The following CENPE variants were observed in gnomAD, a reference collection of about 807,000 sequenced individuals.
CENPE encodes centromere-associated protein E.
CENPE carries 145 observed loss-of-function variants against 336.1 expected under a neutral mutation model. The ratio of observed to expected loss-of-function variants is 0.43; its 90% CI spans 0.38 to 0.50. The LOEUF (loss-of-function observed/expected upper bound fraction) is 0.50. Among genes scored for constraint, CENPE ranks in the 20% least tolerant of loss-of-function variants. CENPE has a pLI of 0.00. For missense variants in CENPE, 2,719 were observed against 3,023.3 expected (o/e 0.90, Z 2.36); for synonymous variants, 1,013 against 984.8 (o/e 1.03, Z -0.54).
At chr4:103,175,019 G>T in intron 15 of CENPE, 116 bp from the exon 16 acceptor site, 1 of 624,532 alleles carries the variant, frequency 1.6e-6, no homozygotes, top group Non-Finnish European at 2.5e-6. Flanking sequence ...TCTTTCTAAA[G>T]TTCTACATTT....
At chr4:103,192,733 TCGTTTTAGA>T (rs1351494846) in intron 8 of CENPE, among the ~76,000 whole-genome samples, 1 of 152,148 alleles carries the variant, frequency 6.6e-6, no homozygotes, top group Admixed American at 6.5e-5. Context: ...GAAAATAGTT[TCGTTTTAGA>T]CATATTAAAG....
Position 103,136,336 on chromosome 4 carries a change from C to G in CENPE, c.6327G>C (p.Glu2109Asp). ...RIKELLKRYSEMDDHYECLNR... is the reference protein window; with the variant it reads ...RIKELLKRYSDMDDHYECLNR... ...TCAAGCACTCATAATGATCATCCAT[C>G]TCTGAGTATCTCTTCAAAAGCTCCT... The change falls in exon 40 of 49, where the codon GAG becomes GAC. Residue 2109 changes from glutamate to aspartate, a missense_variant. Transcript: ENST00000265148. 6.2e-7 allele frequency: 1 copy of G among 1,609,958 alleles called. No homozygotes were observed. Among genetic ancestry groups the G allele is most frequent in the Non-Finnish European group, 8.5e-7 (1 of 1,178,614 alleles).
chr4:103,141,196 G>C (rs1056054862), intron 35 of CENPE, 92 bp from the exon 36 acceptor site: 20 of 743,040 alleles, frequency 2.7e-5, no homozygotes, highest in Non-Finnish European at 4.1e-5. Flanking sequence ...GTCTACCCAT[G>C]TTACTCTCAC....
intron 14 of CENPE, among the ~76,000 whole-genome samples, chr4:103,176,594 A>G (rs946818665): frequency 1.3e-5 from 2 of 151,876 alleles, no homozygotes; most frequent in East Asian, 3.9e-4. Flanking sequence ...ACAGAGTTTC[A>G]CTCTTGTCAC....
intron 15 of CENPE, 51 bp downstream of exon 15, chr4:103,175,908 AG>A: frequency 1.7e-6 from 2 of 1,162,508 alleles, no homozygotes; most frequent in Non-Finnish European, 2.5e-6. Flanking sequence ...TAATAACAAA[AG>A]AATTTTAAAA....
At chr4:103,144,093 C>G (rs374779837) in intron 33 of CENPE, among the ~76,000 whole-genome samples, 12 of 152,054 alleles carry the variant, frequency 7.9e-5, no homozygotes, top group African/African-American at 2.7e-4. Context: ...CCCACCACCA[C>G]GCCTGCCTAA....
chr4:103,183,159 A>G, intron 10 of CENPE, 42 bp downstream of exon 10: 1 of 1,426,038 alleles, frequency 7.0e-7, no homozygotes, highest in Non-Finnish European at 9.8e-7. Flanking sequence ...CTAATGAAAA[A>G]TATAAGAATC....
chr4:103,114,663 G>GTT (rs1341067226), intron 45 of CENPE, 111 bp from the exon 46 acceptor site: 1 of 667,062 alleles, frequency 1.5e-6, no homozygotes, highest in African/African-American at 1.8e-5. Flanking sequence ...CATAATGCCT[G>GTT]TAAGTGGCAG....
intron 8 of CENPE, among the ~76,000 whole-genome samples, chr4:103,186,214 C>T (rs1756754879): frequency 6.6e-6 from 1 of 152,222 alleles, no homozygotes; most frequent in Non-Finnish European, 1.5e-5. Context: ...ATTCCCCAAA[C>T]ACCCCATGTA....
rs1310022576 is a variant in CENPE, at chr4:103,195,964, C to T, written c.313G>A (p.Val105Ile). 2 of 1,613,760 alleles carry T rather than the reference C, an allele frequency of 1.2e-6. No homozygotes were observed. The highest frequency in any genetic ancestry group is 2.2e-5 in the South Asian group (2 of 91,074). Reference sequence around the variant, plus strand: ...ATGTCATGAATTGCCCTGGGTATAACTCCCAAATGATCTTCTGAACCCATC... The same window carrying T: ...ATGTCATGAATTGCCCTGGGTATAATTCCCAAATGATCTTCTGAACCCATC... ...TMMGSEDHLG[V>I]IPRAIHDIFQ... The change falls in exon 4 of 49, where the codon GTT (valine) becomes ATT (isoleucine). Residue 105 changes from valine (V) to isoleucine (I), a missense_variant. Physicochemically the swap from Val to Ile is conservative, Grantham distance 29 (BLOSUM62 3). This residue lies in a region of CENPE where 106 missense variants were observed against 189.3 expected (regional missense o/e 0.56). Coordinates refer to ENST00000265148, the MANE Select transcript of CENPE (RefSeq NM_001813.3).
intron 42 of CENPE, 104 bp from the exon 43 acceptor site, chr4:103,123,193 T>C (rs1016252836): frequency 6.1e-6 from 5 of 817,248 alleles, no homozygotes; most frequent in Non-Finnish European, 1.0e-5. Context: ...CAGTCAAAAG[T>C]GGTCTGAAAA....
Position 103,112,934 on chromosome 4 carries a change from T to G in CENPE, c.7540+1521A>C, listed in dbSNP as rs1356721657. Among the ~76,000 whole-genome samples the G allele has an allele frequency of 6.6e-5, 2 of 30,488 alleles. 1 individual carries two copies. Among genetic ancestry groups the G allele is most frequent in the Admixed American group, 8.2e-4 (2 of 2,440 alleles). 20.0% of individuals were successfully genotyped at this position (30,488 alleles called of 152,430 possible). A position where few individuals can be genotyped will look rare whatever the true frequency, so the allele number is the denominator to read the frequency against. On this transcript the variant is annotated intron_variant, in intron 46 of 48. Transcript: ENST00000265148. ...TAAGTATATAAGTGTACATATATAC[T>G]TATAAGTATATAAGTGTATATATAT...
chr4:103,174,757 T>C lies in CENPE; in HGVS notation c.1626A>G (p.Arg542=), dbSNP rs1401153317. ...NDLDEFEALE[R]KTKKDQEMQL... is the part of the protein sequence containing the mutation. The stretch of plus-strand genomic sequence containing the variant: ...TTACCTCTTGATCTTTTTTAGTTTT[T>C]CTTTCTAGAGCCTCAAATTCATCCA... The change falls in exon 16 of 49, where the codon AGA becomes AGG. Residue 542 remains arginine, a synonymous_variant. Coordinates refer to ENST00000265148, the MANE Select transcript of CENPE (RefSeq NM_001813.3). 6.5e-7 allele frequency: 1 copy of C among 1,530,504 alleles called. No individual in the cohort carries two copies. The highest frequency in any genetic ancestry group is 1.4e-5 in the African/African-American group (1 of 70,150). 94.8% of individuals were successfully genotyped at this position (1,530,504 alleles called of 1,614,324 possible). A position where few individuals can be genotyped will look rare whatever the true frequency, so the allele number is the denominator to read the frequency against.
At chr4:103,180,520 A>C (rs1756242519) in intron 12 of CENPE, 51 bp from the exon 13 acceptor site, 1 of 1,298,970 alleles carries the variant, frequency 7.7e-7, no homozygotes, top group Non-Finnish European at 1.1e-6. Context: ...GCTAAGTTTT[A>C]AAACCTTAAA....
intron 16 of CENPE, among the ~76,000 whole-genome samples, chr4:103,173,470 C>T (rs961713765): frequency 7.4e-6 from 1 of 135,108 alleles, no homozygotes; most frequent in Non-Finnish European, 1.7e-5. Context: ...TTGAATAAGA[C>T]CTTAAAAGCA....
chr4:103,173,768 T>C (rs1367023811), intron 16 of CENPE, among the ~76,000 whole-genome samples: 1 of 151,664 alleles, frequency 6.6e-6, no homozygotes, highest in Admixed American at 6.6e-5. Context: ...ATACACATAA[T>C]ATGTTCAATA....
intron 46 of CENPE, among the ~76,000 whole-genome samples, chr4:103,114,132 T>C (rs567595356): frequency 6.6e-6 from 1 of 152,312 alleles, no homozygotes; most frequent in South Asian, 2.1e-4. Flanking sequence ...TTTCGTTTTA[T>C]TGGGAAGCAT....
intron 26 of CENPE, among the ~76,000 whole-genome samples, chr4:103,150,104 T>C (rs56981575): frequency 0.011 from 1,658 of 152,268 alleles, 23 homozygotes; most frequent in African/African-American, 0.034. Flanking sequence ...TAAAAAACTT[T>C]TGGAGAATTT....
chr4:103,191,924 G>A (rs1467977703), intron 8 of CENPE, among the ~76,000 whole-genome samples: 1 of 152,086 alleles, frequency 6.6e-6, no homozygotes, highest in Admixed American at 6.5e-5. Flanking sequence ...GAAGGGGCAA[G>A]AGCAGCTGCA....
Sources: allele counts gnomAD v4.1 joint callset (sites outside exome capture counted in the v4.1 genomes callset), GRCh38; gene constraint gnomAD v4.1.1; regional missense constraint gnomAD v4.1.1; transcripts MANE v1.5; gene names NCBI Gene and HGNC (gene_info 2026-07-23, HGNC 2026-07-21).